Variants in CEP164 observed in about 807,000 individuals in gnomAD.
The protein encoded by CEP164 is centrosomal protein of 164 kDa.
Under a neutral mutation model 182.7 loss-of-function variants are expected in CEP164, and 162 were observed. The observed-to-expected ratio is 0.89, with a 90% CI of 0.78 to 1.01. The LOEUF is 1.01. Among genes scored for constraint, CEP164 ranks in the 50% least tolerant of loss-of-function variants. The pLI, the probability that CEP164 is intolerant of heterozygous loss-of-function variation, is 0.00. For missense variants in CEP164, 1,735 were observed against 1,790.4 expected, an observed-to-expected ratio of 0.97 and a Z score of 0.56; for synonymous variants, 661 against 690.0, an observed-to-expected ratio of 0.96 and a Z score of 0.66.
upstream of CEP164, among the ~76,000 whole-genome samples, chr11:117,325,111 G>C (rs1255452906): frequency 6.6e-6 from 1 of 152,068 alleles, no homozygotes; most frequent in Non-Finnish European, 1.5e-5. Flanking sequence ...TTGAGACAGA[G>C]TCTCACTTTG....
chr11:117,332,073 C>G (rs2036303924), intron 1 of CEP164, among the ~76,000 whole-genome samples: 1 of 151,546 alleles, frequency 6.6e-6, no homozygotes, highest in African/African-American at 2.4e-5. Flanking sequence ...GATCCTAGGC[C>G]TTGGTCCCCC....
At position 117,360,335 on chromosome 11, in the gene CEP164, T is replaced by A. The variant is rs969808024; in HGVS notation, c.394-1500T>A. On this transcript the variant is annotated intron_variant, in intron 5 of 32. Coordinates refer to ENST00000278935, the MANE Select transcript of CEP164 (RefSeq NM_014956.5). ...GGCGTGTGTCACCATGTCCAGCAAATTTTTTTAATTTTTTTGTAGAGACAG... is the reference window on the plus strand; with the variant it reads ...GGCGTGTGTCACCATGTCCAGCAAAATTTTTTAATTTTTTTGTAGAGACAG... Among the ~76,000 whole-genome samples, 41 of 152,024 alleles carry A rather than the reference T, an allele frequency of 2.7e-4. 1 individual carries two copies. The highest frequency in any genetic ancestry group is 2.6e-4 in the Admixed American group (4 of 15,258).
Position 117,411,700 on chromosome 11 carries a change from G to A in CEP164, c.4164-95G>A. 1 of 1,529,710 alleles carries A rather than the reference G, an allele frequency of 6.5e-7. No homozygotes were observed. 94.8% of individuals were successfully genotyped at this position (1,529,710 alleles called of 1,614,324 possible). ...AAGCTGCTCTGGTAGCTGAGAGAAA[G>A]AGGGAGGAGGTGACAGATGTGATGG... On this transcript the variant is annotated intron_variant, in intron 31 of 32. Coordinates refer to ENST00000278935, the MANE Select transcript of CEP164 (RefSeq NM_014956.5). This position sits in a 1 kb window ranked among gnomAD's most constrained non-coding sequence, Gnocchi z 4.4.
chr11:117,388,866 C>T (rs542466792), intron 15 of CEP164, among the ~76,000 whole-genome samples: 5 of 151,794 alleles, frequency 3.3e-5, no homozygotes, highest in African/African-American at 7.2e-5. Flanking sequence ...CCCAGGTTCA[C>T]GCCATTCTCC....
chr11:117,330,205 A>G (rs996729487), intron 1 of CEP164, among the ~76,000 whole-genome samples: 5 of 152,058 alleles, frequency 3.3e-5, no homozygotes, highest in African/African-American at 1.2e-4. Flanking sequence ...GTTCTGTTAT[A>G]TATTATGTTA....
At chr11:117,400,561 G>A (rs544300830) in intron 27 of CEP164, among the ~76,000 whole-genome samples, 1 of 152,260 alleles carries the variant, frequency 6.6e-6, no homozygotes, top group Admixed American at 6.5e-5. Flanking sequence ...CATTGAATCT[G>A]TAAATTACTT....
intron 3 of CEP164, among the ~76,000 whole-genome samples, chr11:117,340,215 A>G (rs1300938882): frequency 6.6e-6 from 1 of 152,056 alleles, no homozygotes; most frequent in Non-Finnish European, 1.5e-5. Flanking sequence ...TTTAACAGAG[A>G]CGGGGTTTTG....
At chr11:117,379,803 C>A (rs1180163198) in intron 11 of CEP164, among the ~76,000 whole-genome samples, 2 of 151,266 alleles carry the variant, frequency 1.3e-5, no homozygotes, top group East Asian at 3.9e-4. Flanking sequence ...TATTTCTCCC[C>A]TCCAGGCTGG....
Position 117,411,067 on chromosome 11 carries a change from T to TC in CEP164, c.4163+175dup, listed in dbSNP as rs1721188742. 3.3e-6 allele frequency: 2 copies of TC among 601,038 alleles called. No individual in the cohort carries two copies. Among genetic ancestry groups the TC allele is most frequent in the Admixed American group, 5.3e-5 (2 of 38,072 alleles). 37.2% of individuals were successfully genotyped at this position (601,038 alleles called of 1,614,324 possible). ...CGCTTGCCTGGGTCTGAGGCGCCCC[T>TC]CCATGACCAGGGGAAAGTCAAGTTC... On this transcript the variant is annotated intron_variant, in intron 31 of 32. Coordinates refer to ENST00000278935, the MANE Select transcript of CEP164 (RefSeq NM_014956.5). The surrounding 1 kb of genome is among the most constrained non-coding windows in gnomAD (Gnocchi z 4.4).
chr11:117,322,394 G>A (rs1156570862), intron 1 of CEP164, among the ~76,000 whole-genome samples: 1 of 152,134 alleles, frequency 6.6e-6, no homozygotes, highest in Admixed American at 6.6e-5. Flanking sequence ...ATTTATAGGC[G>A]TGAGCCACCG....
At chr11:117,333,602 C>T (rs1281094899) in intron 1 of CEP164, among the ~76,000 whole-genome samples, 1 of 152,170 alleles carries the variant, frequency 6.6e-6, no homozygotes, top group Middle Eastern at 3.2e-3. Flanking sequence ...AATCAAGGCT[C>T]ACTGCAGCCT....
chr11:117,351,990 T>C lies in CEP164; in HGVS notation c.393+2T>C. On this transcript the variant is annotated splice_donor_variant, in intron 5 of 32. Transcript: ENST00000278935. LOFTEE classifies it high-confidence loss of function. Reference sequence around the variant, plus strand: ...AGAGACCCCCCCAAAAGTTCGCTGGTGAGTCAGTGGATGCCTCCTCCCAGA... The same window carrying C: ...AGAGACCCCCCCAAAAGTTCGCTGGCGAGTCAGTGGATGCCTCCTCCCAGA... The C allele has an allele frequency of 6.4e-7, 1 of 1,564,486 alleles. No individual in the cohort carries two copies. Among genetic ancestry groups the C allele is most frequent in the Non-Finnish European group, 8.7e-7 (1 of 1,154,508 alleles).
At chr11:117,336,203 A>G (rs2037084036) in intron 2 of CEP164, 2 of 1,590,352 alleles carry the variant, frequency 1.3e-6, no homozygotes, top group South Asian at 1.1e-5. Flanking sequence ...GCCTGTATTC[A>G]GTCAGAATCG....
intron 8 of CEP164, 39 bp from the exon 9 acceptor site, chr11:117,371,041 C>G (rs1459259672): frequency 6.5e-7 from 1 of 1,528,792 alleles, no homozygotes; most frequent in Admixed American, 2.1e-5. Flanking sequence ...TTGCACATTC[C>G]TTTTGTCTTC....
intron 4 of CEP164, among the ~76,000 whole-genome samples, chr11:117,345,078 T>C (rs2038698697): frequency 6.6e-6 from 1 of 152,256 alleles, no homozygotes; most frequent in Admixed American, 6.5e-5. Context: ...CTCTGCCATA[T>C]CTGAATTGAT....
Position 117,361,768 on chromosome 11 carries a change from T to C in CEP164, c.394-67T>C, listed in dbSNP as rs573791479. 26 of 1,533,738 alleles carry C rather than the reference T, an allele frequency of 1.7e-5. No individual in the cohort carries two copies. The African/African-American group carries it at 3.2e-4, about 19-fold the overall frequency. On this transcript the variant is annotated intron_variant, in intron 5 of 32. Coordinates refer to ENST00000278935, the MANE Select transcript of CEP164 (RefSeq NM_014956.5). The stretch of plus-strand genomic sequence containing the variant: ...AGGATTTAGATGTTTTATTTTTATA[T>C]CTGTCTCCGACACTCCCAGAGCCAC...
At chr11:117,333,250 G>C (rs1292916765) in intron 1 of CEP164, among the ~76,000 whole-genome samples, 1 of 152,088 alleles carries the variant, frequency 6.6e-6, no homozygotes, top group Non-Finnish European at 1.5e-5. Flanking sequence ...GGCTTCAAGT[G>C]ATCCTCCTGC....
intron 5 of CEP164, chr11:117,355,016 C>T: frequency 7.8e-7 from 1 of 1,289,736 alleles, no homozygotes; most frequent in South Asian, 1.2e-5. Context: ...GCTTGCTGAT[C>T]TGGACCTAGA....
At chr11:117,328,639 C>G (rs370426625) in intron 1 of CEP164, among the ~76,000 whole-genome samples, 2 of 152,328 alleles carry the variant, frequency 1.3e-5, no homozygotes, top group East Asian at 3.9e-4. Flanking sequence ...GACCTGCTTA[C>G]TGTCATCGTC....
Sources: allele counts gnomAD v4.1 joint callset (sites outside exome capture counted in the v4.1 genomes callset), GRCh38; gene constraint gnomAD v4.1.1; non-coding constraint Gnocchi (gnomAD v3.1); transcripts MANE v1.5; gene names NCBI Gene and HGNC (gene_info 2026-07-23, HGNC 2026-07-21).